The following DDHD2 variants were observed in gnomAD, a reference collection of about 807,000 sequenced individuals.
DDHD2 encodes the protein triacylglycerol hydrolase DDHD2.
In DDHD2, 62 loss-of-function variants were observed where a neutral mutation model predicts 91.2. That is an observed-to-expected ratio of 0.68 (90% confidence interval 0.55 to 0.84). The LOEUF (loss-of-function observed/expected upper bound fraction) is 0.84, where lower values mean the gene tolerates loss of function less well. Among genes scored for constraint, DDHD2 ranks in the 40% least tolerant of loss-of-function variants. The pLI, the probability that DDHD2 is intolerant of heterozygous loss-of-function variation, is 0.00. For synonymous variants in DDHD2, 271 were observed against 293.9 expected, an observed-to-expected ratio of 0.92 and a Z score of 0.80; for missense variants, 740 against 846.9, an observed-to-expected ratio of 0.87 and a Z score of 1.57.
chr8:38,244,673 C>T (rs1233639859), intron 7 of DDHD2, among the ~76,000 whole-genome samples: 2 of 152,072 alleles, frequency 1.3e-5, no homozygotes, highest in Non-Finnish European at 2.9e-5. Flanking sequence ...TCATGTGATT[C>T]TCCTGCCTCA....
At chr8:38,245,195 G>T (rs1805528393) in intron 7 of DDHD2, among the ~76,000 whole-genome samples, 1 of 151,818 alleles carries the variant, frequency 6.6e-6, no homozygotes, top group African/African-American at 2.4e-5. Context: ...ACTTTGGGAG[G>T]CCGAGGCAGG....
At chr8:38,264,498 T>C (rs1430105817), downstream of DDHD2, 1 of 1,555,332 alleles carries the variant, frequency 6.4e-7, no homozygotes, top group Non-Finnish European at 8.7e-7. Context: ...AAAGTACAAG[T>C]TTGTCTTGAA....
rs1207327635 is a variant in DDHD2 at position 38,233,060 on chromosome 8, A to G, written c.66A>G (p.Ser22=). 2 of 1,613,790 alleles carry G rather than the reference A, an allele frequency of 1.2e-6. No homozygotes were observed. The highest frequency in any genetic ancestry group is 1.1e-5 in the South Asian group (1 of 91,076). The change falls in exon 2 of 18, where the codon TCA becomes TCG. Residue 22 remains serine (S), a synonymous_variant. Coordinates refer to ENST00000397166, the MANE Select transcript of DDHD2 (RefSeq NM_015214.3). Reference sequence around the variant, plus strand: ...CAGATCCATCTCCGTCACCAAACTCATGTAGTTCCTTTGAGCTAATAGACA... The same window carrying G: ...CAGATCCATCTCCGTCACCAAACTCGTGTAGTTCCTTTGAGCTAATAGACA... ...SQSDPSPSPN[S]CSSFELIDMD...
chr8:38,269,166 C>T (rs755144240), intron 1 of DDHD2: 67 of 1,509,732 alleles, frequency 4.4e-5, no homozygotes, highest in Admixed American at 6.2e-5. Context: ...CCCACTTCGG[C>T]CCCAAAGGCC....
At chr8:38,236,792 T>A (rs1301376119) in intron 3 of DDHD2, among the ~76,000 whole-genome samples, 1 of 152,042 alleles carries the variant, frequency 6.6e-6, no homozygotes, top group Non-Finnish European at 1.5e-5. Context: ...AGTGCTGGGA[T>A]TATAGGCGTG....
chr8:38,247,904 A>G lies in DDHD2; in HGVS notation c.1248+69A>G, dbSNP rs566280318. 9.7e-6 allele frequency: 12 copies of G among 1,232,270 alleles called. No homozygotes were observed. In the East Asian group the frequency reaches 2.9e-4, roughly 30 times the overall value. The allele number at this position is 1,232,270 out of a possible 1,614,324, so 76.3% of individuals were successfully genotyped here. A position where few individuals can be genotyped will look rare whatever the true frequency, so the allele number is the denominator to read the frequency against. ...ATTTTTGTTTATCGTGTTTACTAAG[A>G]GCCTACCCTTTAGACACTTTTTAGT... On this transcript the variant is annotated intron_variant, in intron 10 of 17. Transcript: ENST00000397166.
downstream of DDHD2, chr8:38,267,414 G>C (rs755626866): frequency 1.9e-6 from 3 of 1,606,768 alleles, no homozygotes; most frequent in Non-Finnish European, 2.6e-6. Flanking sequence ...AGCATGGTTG[G>C]AACGTAAATC....
chr8:38,267,959 A>G (rs1199392846), intron 1 of DDHD2: 1 of 1,614,030 alleles, frequency 6.2e-7, no homozygotes, highest in Admixed American at 1.7e-5. Flanking sequence ...CAAGGCTGGC[A>G]GCTGCAAAGC....
downstream of DDHD2, chr8:38,264,062 G>A: frequency 7.1e-6 from 7 of 989,938 alleles, no homozygotes; most frequent in Non-Finnish European, 8.4e-6. Context: ...CTTGCACCTT[G>A]GAAGGGGAAA....
At chr8:38,252,693 T>G (rs755121317) in intron 13 of DDHD2, 29 bp from the exon 14 acceptor site, 13 of 1,506,266 alleles carry the variant, frequency 8.6e-6, no homozygotes, top group South Asian at 5.7e-5. Context: ...TTAGCAGAGG[T>G]AAATGTAGCT....
intron 5 of DDHD2, chr8:38,238,622 T>A (rs537874670): frequency 1.0e-6 from 1 of 984,096 alleles, no homozygotes; most frequent in African/African-American, 1.7e-5. Flanking sequence ...ACTTATGGTT[T>A]TATAATATAT....
chr8:38,240,341 G>T lies in DDHD2; in HGVS notation c.689G>T (p.Arg230Leu). 1 of 1,610,026 alleles carries T rather than the reference G, an allele frequency of 6.2e-7. No homozygotes were observed. The highest frequency in any genetic ancestry group is 1.1e-5 in the South Asian group (1 of 90,692). Reference sequence around the variant, plus strand: ...GGGATTGGACCAGCTTGTGATCTCCGCTTTCGAAGCATTGTACAGTGTGGT... The same window carrying T: ...GGGATTGGACCAGCTTGTGATCTCCTCTTTCGAAGCATTGTACAGTGTGGT... ...VHGIGPACDL[R>L]FRSIVQCVND... is the part of the protein sequence containing the mutation. Residue 230 changes from arginine (R) to leucine (L), a missense_variant, in exon 6 of 18, where the codon CGC (arginine) becomes CTC (leucine). This residue lies in a region of DDHD2 where 693 missense variants were observed against 764.2 expected (regional missense o/e 0.91). Transcript: ENST00000397166.
intron 3 of DDHD2, among the ~76,000 whole-genome samples, chr8:38,236,822 C>T (rs899666354): frequency 2.0e-5 from 3 of 151,600 alleles, no homozygotes; most frequent in African/African-American, 7.3e-5. Context: ...GCCCGGCTCA[C>T]ACTGGCTAAT....
chr8:38,266,299 C>A (rs1314115513), downstream of DDHD2: 6 of 1,612,334 alleles, frequency 3.7e-6, no homozygotes, highest in Admixed American at 5.0e-5. Context: ...AAAGGCCAGA[C>A]CAGCAAATGC....
intron 7 of DDHD2, among the ~76,000 whole-genome samples, chr8:38,242,840 G>A (rs912759202): frequency 2.6e-5 from 4 of 152,190 alleles, no homozygotes; most frequent in Admixed American, 2.0e-4. Flanking sequence ...TTGGTACAGT[G>A]ACTTTTAAGT....
intron 16 of DDHD2, among the ~76,000 whole-genome samples, chr8:38,254,587 G>T (rs894387249): frequency 6.6e-6 from 1 of 152,042 alleles, no homozygotes; most frequent in East Asian, 1.9e-4. Flanking sequence ...GCCCAGGCTG[G>T]TCTAAACTTC....
chr8:38,267,777 A>T (rs536490745), downstream of DDHD2: 29 of 1,065,200 alleles, frequency 2.7e-5, no homozygotes, highest in African/African-American at 4.1e-4. Flanking sequence ...CAAAAGAAAA[A>T]TCAGAGTGAA....
At chr8:38,262,978 G>T (rs1026314709), downstream of DDHD2, 1 of 152,160 alleles carries the variant, frequency 6.6e-6, no homozygotes, top group Non-Finnish European at 1.5e-5. Context: ...GCAATTATAA[G>T]AGACTTTCCT....
chr8:38,235,092 A>C (rs956383614), intron 3 of DDHD2, among the ~76,000 whole-genome samples: 1 of 152,206 alleles, frequency 6.6e-6, no homozygotes, highest in African/African-American at 2.4e-5. Flanking sequence ...TTTGGTGTTT[A>C]GCCAAGTAGG....
Sources: gnomAD v4.1 joint callset for allele counts (sites outside exome capture counted in the v4.1 genomes callset) on GRCh38, gnomAD v4.1.1 for gene constraint, gnomAD v4.1.1 regional missense constraint, MANE v1.5 for transcripts, NCBI Gene and HGNC (gene_info 2026-07-23, HGNC 2026-07-21) for gene names.